The following TEX36 variants were observed in gnomAD, a reference collection of about 807,000 sequenced individuals.
TEX36 encodes testis-expressed protein 36.
A neutral mutation model predicts 13.6 loss-of-function variants in TEX36; 12 were observed. The observed-to-expected ratio is 0.88, with a 90% CI of 0.56 to 1.43. The LOEUF (loss-of-function observed/expected upper bound fraction) is 1.43, where lower values mean the gene tolerates loss of function less well. TEX36 is among the 40% of genes most tolerant of loss of function. TEX36 has a pLI of 0.00. For missense variants in TEX36, 224 were observed against 228.3 expected, an observed-to-expected ratio of 0.98 and a Z score of 0.12; for synonymous variants, 93 against 83.0, an observed-to-expected ratio of 1.12 and a Z score of -0.65.
intron 1 of TEX36, chr10:125,668,093 T>C: frequency 1.7e-6 from 1 of 594,404 alleles, no homozygotes; most frequent in Non-Finnish European, 3.0e-6. Context: ...AGAGTGTGGT[T>C]GGGGCACCTC....
intron 1 of TEX36, among the ~76,000 whole-genome samples, chr10:125,663,866 T>G (rs568873878): frequency 2.1e-4 from 32 of 152,316 alleles, no homozygotes; most frequent in Non-Finnish European, 3.4e-4. Flanking sequence ...ACAATCCAAT[T>G]ATACTTTTAG....
intron 1 of TEX36, among the ~76,000 whole-genome samples, chr10:125,665,882 A>G (rs569477820): frequency 1.1e-3 from 163 of 152,116 alleles, no homozygotes; most frequent in Middle Eastern, 3.4e-3. Context: ...TCTTTCATCA[A>G]TGTTTTATAG....
intron 1 of TEX36, among the ~76,000 whole-genome samples, chr10:125,676,933 CTG>C (rs1250012281): frequency 6.6e-6 from 1 of 152,306 alleles, no homozygotes; most frequent in South Asian, 2.1e-4. Flanking sequence ...CTGGGAAAGA[CTG>C]TATTTCTCCT....
At chr10:125,596,504 T>C (rs561316176) in intron 3 of TEX36, among the ~76,000 whole-genome samples, 1 of 152,336 alleles carries the variant, frequency 6.6e-6, no homozygotes, top group East Asian at 1.9e-4. Flanking sequence ...AAATGGATTC[T>C]CTCCTAGAGC....
At chr10:125,595,939 G>A (rs1311505452) in intron 3 of TEX36, among the ~76,000 whole-genome samples, 1 of 152,192 alleles carries the variant, frequency 6.6e-6, no homozygotes, top group East Asian at 1.9e-4. Flanking sequence ...CTGACACATT[G>A]CTGATGCTCC....
chr10:125,587,786 TAAA>T (rs56198506), intron 3 of TEX36, among the ~76,000 whole-genome samples: 18 of 101,868 alleles, frequency 1.8e-4, no homozygotes, highest in South Asian at 3.3e-4. Flanking sequence ...GTCTCAAAAT[TAAA>T]AAAAAAAAAA....
chr10:125,639,253 A>G (rs1364829901), intron 3 of TEX36, among the ~76,000 whole-genome samples: 2 of 152,142 alleles, frequency 1.3e-5, no homozygotes, highest in African/African-American at 4.8e-5. Flanking sequence ...CACTCTCATC[A>G]CAGCTTAATA....
At chr10:125,667,358 T>C in intron 1 of TEX36, 1 of 647,658 alleles carries the variant, frequency 1.5e-6, no homozygotes, top group Non-Finnish European at 3.0e-6. Flanking sequence ...GTGCTTCAAG[T>C]CATGGTCCCC....
At chr10:125,599,434 A>T (rs979297039) in intron 3 of TEX36, among the ~76,000 whole-genome samples, 1 of 152,046 alleles carries the variant, frequency 6.6e-6, no homozygotes, top group African/African-American at 2.4e-5. Context: ...CTCTTTATTG[A>T]CGTTCATTCC....
intron 3 of TEX36, among the ~76,000 whole-genome samples, chr10:125,604,324 A>G (rs1452747758): frequency 6.6e-6 from 1 of 152,274 alleles, no homozygotes; most frequent in African/African-American, 2.4e-5. Flanking sequence ...TTAGATTCTC[A>G]TAGGGGCACA....
At chr10:125,620,073 T>C (rs1203248729), downstream of TEX36, among the ~76,000 whole-genome samples, 2 of 152,206 alleles carry the variant, frequency 1.3e-5, no homozygotes, top group Non-Finnish European at 2.9e-5. Flanking sequence ...CTGTTTTAAG[T>C]AACTCTGTAA....
At chr10:125,631,305 G>T (rs952639680) in intron 3 of TEX36, among the ~76,000 whole-genome samples, 36 of 152,020 alleles carry the variant, frequency 2.4e-4, no homozygotes, top group African/African-American at 8.2e-4. Flanking sequence ...AAAAAATAGC[G>T]GGTATTTAGG....
At chr10:125,651,343 T>C (rs1031136427), downstream of TEX36, among the ~76,000 whole-genome samples, 1 of 152,142 alleles carries the variant, frequency 6.6e-6, no homozygotes, top group Admixed American at 6.5e-5. Flanking sequence ...TGGTTCAACA[T>C]ATACAAATCA....
chr10:125,635,455 C>T (rs1846611471), intron 3 of TEX36, among the ~76,000 whole-genome samples: 1 of 152,240 alleles, frequency 6.6e-6, no homozygotes, highest in Admixed American at 6.5e-5. Flanking sequence ...CACCAAAGCT[C>T]TGCTTTCAAC....
exon 4 of TEX36, chr10:125,576,828 T>A (rs998544673): frequency 5.9e-6 from 9 of 1,536,062 alleles, no homozygotes; most frequent in Non-Finnish European, 7.0e-6. Context: ...ATAGAACTCT[T>A]GTCTCTTGTC....
chr10:125,668,010 C>T (rs566993542), intron 1 of TEX36: 161 of 727,380 alleles, frequency 2.2e-4, no homozygotes, highest in African/African-American at 9.1e-4. Flanking sequence ...GAAATCCAGA[C>T]GGAGGCCCTT....
intron 3 of TEX36, among the ~76,000 whole-genome samples, chr10:125,602,429 C>T (rs1448258621): frequency 2.6e-5 from 4 of 152,190 alleles, no homozygotes; most frequent in Admixed American, 6.5e-5. Context: ...TTTCATTACT[C>T]CTCAAGCCCC....
chr10:125,599,230 A>G (rs1272645629), intron 3 of TEX36, among the ~76,000 whole-genome samples: 1 of 152,240 alleles, frequency 6.6e-6, no homozygotes. Flanking sequence ...GGTTTGTGGA[A>G]GAAGTCCACA....
rs1380586889 is a variant in TEX36, at chr10:125,667,415, TAGC to T, written c.52-5441_52-5439del. ...CGCAATGGGCACAATGCCACTCTGCTAGCAGATGCTGGCATGACAGGCCAGGAC... is the reference window on the plus strand; with the variant it reads ...CGCAATGGGCACAATGCCACTCTGCTAGATGCTGGCATGACAGGCCAGGAC... On this transcript the variant is annotated intron_variant, in intron 1 of 3. Transcript: ENST00000368821. 4.5e-6 allele frequency: 3 copies of T among 668,336 alleles called. No homozygotes were observed. In the East Asian group the frequency reaches 9.7e-5, roughly 22 times the overall value. 41.4% of individuals were successfully genotyped at this position (668,336 alleles called of 1,614,324 possible).
Sources: allele counts gnomAD v4.1 joint callset (sites outside exome capture counted in the v4.1 genomes callset), GRCh38; gene constraint gnomAD v4.1.1; transcripts MANE v1.5; gene names NCBI Gene and HGNC (gene_info 2026-07-23, HGNC 2026-07-21).